COL25A1: variants seen among roughly 807,000 people sequenced by gnomAD.
COL25A1 encodes the protein collagen alpha-1(XXV) chain.
COL25A1 carries 103 observed loss-of-function variants against 128.4 expected under a neutral mutation model. The ratio of observed to expected loss-of-function variants is 0.80; its 90% CI spans 0.68 to 0.94. The LOEUF is 0.94. Ranked by LOEUF, COL25A1 falls within the 40% of genes least tolerant of loss-of-function variation. The pLI is 0.00. For synonymous variants in COL25A1, 279 were observed against 277.2 expected (o/e 1.01, Z -0.06); for missense variants, 745 against 840.0 (o/e 0.89, Z 1.40).
rs199720482 is a variant in COL25A1 at position 108,837,501 on chromosome 4, AT to A, written c.1656+4193del. Among the ~76,000 whole-genome samples, 247 of 152,342 alleles carry A rather than the reference AT, an allele frequency of 1.6e-3. 2 individuals are homozygous for A. In the East Asian group the frequency reaches 0.03, roughly 18 times the overall value. On this transcript the variant is annotated intron_variant, in intron 31 of 37. Transcript: ENST00000399132. Reference sequence around the variant, plus strand: ...GGGGGAGATTCCTTCTTCATTAAAAATAAAAATCTCTAAACAACTGCAAAAT... The same window carrying A: ...GGGGGAGATTCCTTCTTCATTAAAAAAAAAATCTCTAAACAACTGCAAAAT...
rs200572202 is a variant in COL25A1, at chr4:108,819,255, T to G, written c.1920A>C (p.Gln640His). ...PGLDGLDAPC[Q>H]LGPDGLPMPG... The stretch of plus-strand genomic sequence containing the variant: ...GTAGGAAAGAGAAATACTGTACCAA[T>G]TGGCAAGGGGCATCCAGCCCATCCA... Residue 640 changes from glutamine (Q) to histidine (H), a missense_variant, in exon 36 of 38, where the codon CAA becomes CAC. Physicochemically the swap from Gln to His is conservative, Grantham distance 24. This residue lies in a region of COL25A1 where 387 missense variants were observed against 441.9 expected (regional missense o/e 0.88). Coordinates refer to ENST00000399132, the MANE Select transcript of COL25A1 (RefSeq NM_198721.4). 1 of 1,606,070 alleles carries G rather than the reference T, an allele frequency of 6.2e-7. No individual in the cohort carries two copies. Among genetic ancestry groups the G allele is most frequent in the Non-Finnish European group, 8.5e-7 (1 of 1,177,348 alleles).
At chr4:109,112,868 C>A (rs1283906691) in intron 3 of COL25A1, among the ~76,000 whole-genome samples, 5 of 152,106 alleles carry the variant, frequency 3.3e-5, no homozygotes, top group African/African-American at 4.8e-5. Context: ...ATGAAAAAGT[C>A]TGTTGAACCC....
chr4:109,070,765 T>C (rs1242751511), intron 3 of COL25A1, among the ~76,000 whole-genome samples: 2 of 144,142 alleles, frequency 1.4e-5, no homozygotes, highest in African/African-American at 5.1e-5. Flanking sequence ...AATTCCCAAC[T>C]ATGAGTGAGA....
intron 24 of COL25A1, 148 bp downstream of exon 24, chr4:108,859,508 A>T: frequency 1.8e-6 from 1 of 548,952 alleles, no homozygotes; most frequent in Non-Finnish European, 3.3e-6. Flanking sequence ...AGAGAAGGGG[A>T]TGAGTTCTTG....
intron 3 of COL25A1, among the ~76,000 whole-genome samples, chr4:109,237,367 C>T (rs1041534329): frequency 4.6e-5 from 7 of 151,964 alleles, no homozygotes; most frequent in African/African-American, 1.4e-4. Context: ...ATCTCATACA[C>T]GAGGTATTTA....
In COL25A1 at chr4:108,913,261, C is replaced by CTTTTTTTTTT. The variant is rs201929872; in HGVS notation, c.780+4901_780+4910dup. Among the ~76,000 whole-genome samples, 60 of 92,408 alleles carry CTTTTTTTTTT rather than the reference C, an allele frequency of 6.5e-4. 3 individuals carry two copies. The highest frequency in any genetic ancestry group is 1.4e-3 in the South Asian group (2 of 1,438). The allele number at this position is 92,408 out of a possible 152,430, so 60.6% of individuals were successfully genotyped here. The stretch of plus-strand genomic sequence containing the variant: ...TTTGTGTGGTCTCTGTCTCTAGCTC[C>CTTTTTTTTTT]TTTTTTTTTTTTTTTTTTTTTTAAG... On this transcript the variant is annotated intron_variant, in intron 13 of 37. Coordinates refer to ENST00000399132, the MANE Select transcript of COL25A1 (RefSeq NM_198721.4).
chr4:109,188,406 C>T (rs1456875949), intron 3 of COL25A1, among the ~76,000 whole-genome samples: 1 of 152,170 alleles, frequency 6.6e-6, no homozygotes, highest in Non-Finnish European at 1.5e-5. Context: ...AAGCAACGCA[C>T]TCCACCTTGC....
Position 108,869,114 on chromosome 4 carries a change from C to T in COL25A1, c.1057G>A (p.Gly353Ser). Reference sequence around the variant, plus strand: ...TTTGTTCCTGGTAAACCTGGTAAGCCTGGTTCTCCTTGAGGACCAATGAAA... The same window carrying T: ...TTTGTTCCTGGTAAACCTGGTAAGCTTGGTTCTCCTTGAGGACCAATGAAA... ...PGFIGPQGEP[G>S]LPGLPGTKGE... Residue 353 changes from glycine to serine, a missense_variant, in exon 20 of 38, where the codon GGC (glycine) becomes AGC (serine). Physicochemically the swap from Gly to Ser is moderately conservative, Grantham distance 56. Transcript: ENST00000399132. 6.4e-7 allele frequency: 1 copy of T among 1,559,780 alleles called. No homozygotes were observed. Among genetic ancestry groups the T allele is most frequent in the Non-Finnish European group, 8.6e-7 (1 of 1,158,692 alleles).
At chr4:109,132,357 G>A (rs753997900) in intron 3 of COL25A1, among the ~76,000 whole-genome samples, 18 of 152,022 alleles carry the variant, frequency 1.2e-4, no homozygotes, top group Non-Finnish European at 2.2e-4. Flanking sequence ...CTTCCCATAC[G>A]CTTTCTAGAA....
intron 23 of COL25A1, 87 bp from the exon 24 acceptor site, chr4:108,859,820 G>C (rs899333637): frequency 1.1e-6 from 1 of 875,150 alleles, no homozygotes; most frequent in East Asian, 2.5e-5. Flanking sequence ...ACAACTCACA[G>C]CTCTCTCTGA....
intron 3 of COL25A1, among the ~76,000 whole-genome samples, chr4:109,063,216 A>G (rs909115101): frequency 1.3e-5 from 2 of 152,224 alleles, no homozygotes; most frequent in African/African-American, 4.8e-5. Context: ...AACTTTAAAA[A>G]GTCAATAAAA....
intron 6 of COL25A1, among the ~76,000 whole-genome samples, chr4:108,990,049 C>T (rs2126010811): frequency 6.6e-6 from 1 of 150,984 alleles, no homozygotes; most frequent in East Asian, 2.0e-4. Context: ...CCCGTCTCTA[C>T]TAAAAATACC....
chr4:109,108,177 C>T (rs928678811), intron 3 of COL25A1, among the ~76,000 whole-genome samples: 47 of 152,288 alleles, frequency 3.1e-4, no homozygotes, highest in African/African-American at 1.0e-3. Flanking sequence ...CTATCCCTTC[C>T]GGCTCCCCCC....
At chr4:108,929,067 A>G (rs1270749735) in intron 11 of COL25A1, among the ~76,000 whole-genome samples, 2 of 152,142 alleles carry the variant, frequency 1.3e-5, no homozygotes, top group Non-Finnish European at 2.9e-5. Context: ...AACCTTTTAT[A>G]TCCTACTTAA....
chr4:108,846,535 A>G (rs1735128899), intron 27 of COL25A1, among the ~76,000 whole-genome samples: 1 of 152,162 alleles, frequency 6.6e-6, no homozygotes, highest in Non-Finnish European at 1.5e-5. Context: ...CAGACCTGAA[A>G]ACAACTTAAT....
chr4:108,826,467 G>A (rs950147712), intron 33 of COL25A1, among the ~76,000 whole-genome samples: 1 of 152,118 alleles, frequency 6.6e-6, no homozygotes, highest in African/African-American at 2.4e-5. Flanking sequence ...GAACCCAGGA[G>A]GTGGAGGTTG....
chr4:109,008,437 G>A (rs1382138762), intron 6 of COL25A1, among the ~76,000 whole-genome samples: 2 of 152,094 alleles, frequency 1.3e-5, no homozygotes, highest in Admixed American at 1.3e-4. Flanking sequence ...ACTCTCTCAC[G>A]ATGCTTTCTA....
chr4:109,103,777 G>A (rs1304852047), intron 3 of COL25A1, among the ~76,000 whole-genome samples: 1 of 152,126 alleles, frequency 6.6e-6, no homozygotes, highest in Non-Finnish European at 1.5e-5. Context: ...AGCCAAGTTG[G>A]ATAAAAGATG....
chr4:108,978,397 A>T (rs2125993333), intron 6 of COL25A1, among the ~76,000 whole-genome samples: 1 of 152,316 alleles, frequency 6.6e-6, no homozygotes. Context: ...AAATTTGCAG[A>T]ACAAAGTGGG....
Sources: gnomAD v4.1 joint callset for allele counts (sites outside exome capture counted in the v4.1 genomes callset) on GRCh38, gnomAD v4.1.1 for gene constraint, gnomAD v4.1.1 regional missense constraint, MANE v1.5 for transcripts, NCBI Gene and HGNC (gene_info 2026-07-23, HGNC 2026-07-21) for gene names.